Variants in TRIM33 observed in about 807,000 individuals in gnomAD.
TRIM33 encodes the protein tripartite motif containing 33, also known as E3 ubiquitin-protein ligase TRIM33.
A neutral mutation model predicts 125.4 loss-of-function variants in TRIM33; 20 were observed. That is an observed-to-expected ratio of 0.16 (90% confidence interval 0.11 to 0.23). The LOEUF (loss-of-function observed/expected upper bound fraction) is 0.23, where lower values mean the gene tolerates loss of function less well. Among genes scored for constraint, TRIM33 ranks in the 10% least tolerant of loss-of-function variants. TRIM33 has a pLI of 1.00. For synonymous variants in TRIM33, 564 were observed against 513.9 expected, an observed-to-expected ratio of 1.10 and a Z score of -1.32; for missense variants, 920 against 1,411.4, an observed-to-expected ratio of 0.65 and a Z score of 5.58.
At chr1:114,470,998 ATTG>A (rs1221459407) in intron 1 of TRIM33, among the ~76,000 whole-genome samples, 1 of 152,108 alleles carries the variant, frequency 6.6e-6, no homozygotes, top group Non-Finnish European at 1.5e-5. Flanking sequence ...AGGGTCTCAT[ATTG>A]TTGTCCAGGC....
intron 4 of TRIM33, among the ~76,000 whole-genome samples, chr1:114,434,730 AAT>A (rs1442359073): frequency 6.6e-6 from 1 of 152,230 alleles, no homozygotes; most frequent in African/African-American, 2.4e-5. Context: ...ACTACTAACA[AAT>A]AGTCACAAAT....
At chr1:114,431,897 T>C (rs1373114315) in intron 5 of TRIM33, among the ~76,000 whole-genome samples, 1 of 152,170 alleles carries the variant, frequency 6.6e-6, no homozygotes, top group African/African-American at 2.4e-5. Flanking sequence ...GTTTCAAATA[T>C]AAAATGATTG....
At chr1:114,399,326 T>C (rs1280405645) in intron 18 of TRIM33, 131 bp downstream of exon 18, 2 of 719,004 alleles carry the variant, frequency 2.8e-6, no homozygotes, top group East Asian at 5.7e-5. Context: ...GTTAATACAA[T>C]CAGATGTTAC....
chr1:114,461,169 C>T (rs554713926), intron 4 of TRIM33, among the ~76,000 whole-genome samples: 2 of 148,900 alleles, frequency 1.3e-5, no homozygotes, highest in East Asian at 3.9e-4. Flanking sequence ...TATGATCATG[C>T]CACTGCATTC....
chr1:114,406,925 T>G lies in TRIM33; in HGVS notation c.2418+16A>C, dbSNP rs775747305. The G allele has an allele frequency of 1.9e-6, 3 of 1,611,954 alleles. No homozygotes were observed. The highest frequency in any genetic ancestry group is 1.7e-6 in the Non-Finnish European group (2 of 1,178,764). On this transcript the variant is annotated intron_variant, in intron 14 of 19. Coordinates refer to ENST00000358465, the MANE Select transcript of TRIM33 (RefSeq NM_015906.4). ...TGATGTCCTTAAGTCCCTGTCAGACTCCAGTGGGAGCTTACCATGCAAGCA... is the reference window on the plus strand; with the variant it reads ...TGATGTCCTTAAGTCCCTGTCAGACGCCAGTGGGAGCTTACCATGCAAGCA...
chr1:114,395,063 CAT>C lies in TRIM33; in HGVS notation c.*2583_*2584del, dbSNP rs947185118. 1 of 191,648 alleles carries C rather than the reference CAT, an allele frequency of 5.2e-6. No individual in the cohort carries two copies. Among genetic ancestry groups the C allele is most frequent in the Non-Finnish European group, 1.1e-5 (1 of 91,706 alleles). The allele number at this position is 191,648 out of a possible 1,614,324, so 11.9% of individuals were successfully genotyped here. A position where few individuals can be genotyped will look rare whatever the true frequency, so the allele number is the denominator to read the frequency against. On this transcript the variant is annotated 3_prime_UTR_variant, in exon 20 of 20. Transcript: ENST00000358465. ...TTTAAAACATAAACTAATAGGAAAACATATATCTAAATATCAATTTAAGTTTT... is the reference window on the plus strand; with the variant it reads ...TTTAAAACATAAACTAATAGGAAAACATATCTAAATATCAATTTAAGTTTT...
intron 8 of TRIM33, among the ~76,000 whole-genome samples, chr1:114,425,955 ATTC>A (rs1210801120): frequency 5.3e-5 from 8 of 152,196 alleles, no homozygotes; most frequent in African/African-American, 1.7e-4. Flanking sequence ...CTCTGTCCTT[ATTC>A]TTTTTTACTT....
At chr1:114,444,236 T>C (rs1252051838) in intron 4 of TRIM33, among the ~76,000 whole-genome samples, 2 of 151,992 alleles carry the variant, frequency 1.3e-5, no homozygotes, top group African/African-American at 4.8e-5. Flanking sequence ...AGAGGGTAGA[T>C]AGAGGGAAGA....
At chr1:114,478,876 GC>G (rs1557889948) in intron 1 of TRIM33, among the ~76,000 whole-genome samples, 1 of 151,980 alleles carries the variant, frequency 6.6e-6, no homozygotes, top group Non-Finnish European at 1.5e-5. Flanking sequence ...GTGAAACTCT[GC>G]CTCTACTAAA....
chr1:114,480,254 C>A (rs1292154357), intron 1 of TRIM33, among the ~76,000 whole-genome samples: 2 of 152,016 alleles, frequency 1.3e-5, no homozygotes. Context: ...GCAAGATGTG[C>A]TTTGTTAAAC....
At position 114,397,479 on chromosome 1, in the gene TRIM33, T is replaced by C. The variant is rs1340706824; in HGVS notation, c.*169A>G. 1 of 562,654 alleles carries C rather than the reference T, an allele frequency of 1.8e-6. No homozygotes were observed. The highest frequency in any genetic ancestry group is 3.1e-6 in the Non-Finnish European group (1 of 321,736). 34.9% of individuals were successfully genotyped at this position (562,654 alleles called of 1,614,324 possible). On this transcript the variant is annotated 3_prime_UTR_variant, in exon 20 of 20. Transcript: ENST00000358465. Reference sequence around the variant, plus strand: ...CCCTTTCTTGACAAGAATGTGTTTCTGTCCATTATTTCAATCTAATACTGT... The same window carrying C: ...CCCTTTCTTGACAAGAATGTGTTTCCGTCCATTATTTCAATCTAATACTGT...
At chr1:114,495,390 A>C (rs1652312478) in intron 1 of TRIM33, among the ~76,000 whole-genome samples, 1 of 152,208 alleles carries the variant, frequency 6.6e-6, no homozygotes, top group Non-Finnish European at 1.5e-5. Context: ...CATTTGTTTA[A>C]AAAAGAAACA....
At chr1:114,447,207 C>G (rs1006597398) in intron 4 of TRIM33, among the ~76,000 whole-genome samples, 3 of 152,116 alleles carry the variant, frequency 2.0e-5, no homozygotes, top group Admixed American at 2.0e-4. Context: ...ATAGAGACTA[C>G]TGCAGTAATC....
At chr1:114,483,317 A>AT (rs1651468102) in intron 1 of TRIM33, among the ~76,000 whole-genome samples, 2 of 151,932 alleles carry the variant, frequency 1.3e-5, no homozygotes, top group Middle Eastern at 6.8e-3. Flanking sequence ...GAAAAAAAAA[A>AT]TTTTTACCAA....
At chr1:114,502,348 C>T (rs1652767642) in intron 1 of TRIM33, among the ~76,000 whole-genome samples, 1 of 152,116 alleles carries the variant, frequency 6.6e-6, no homozygotes, top group African/African-American at 2.4e-5. Flanking sequence ...ACCTCTCTTA[C>T]AGTCTTAGTT....
chr1:114,425,395 G>A (rs1430707675), intron 9 of TRIM33, 54 bp downstream of exon 9: 3 of 1,580,450 alleles, frequency 1.9e-6, no homozygotes, highest in African/African-American at 1.4e-5. Context: ...AGGAAAAAGT[G>A]TAGTGTTGAG....
intron 9 of TRIM33, among the ~76,000 whole-genome samples, chr1:114,425,116 G>A (rs1159234969): frequency 6.6e-6 from 1 of 152,122 alleles, no homozygotes; most frequent in Non-Finnish European, 1.5e-5. Context: ...AATGCCTAAG[G>A]AACATATCAG....
intron 4 of TRIM33, among the ~76,000 whole-genome samples, chr1:114,453,120 T>C (rs2101320133): frequency 6.6e-6 from 1 of 152,146 alleles, no homozygotes; most frequent in South Asian, 2.1e-4. Flanking sequence ...TCGCAGCACT[T>C]TGGGAAGCCG....
At chr1:114,405,790 A>T (rs1380144835) in intron 14 of TRIM33, 31 bp from the exon 15 acceptor site, 1 of 1,545,144 alleles carries the variant, frequency 6.5e-7, no homozygotes, top group African/African-American at 1.4e-5. Context: ...ATTCTTGAAG[A>T]ATCATTTAAT....
Sources: gnomAD v4.1 joint callset for allele counts (sites outside exome capture counted in the v4.1 genomes callset) on GRCh38, gnomAD v4.1.1 for gene constraint, MANE v1.5 for transcripts, NCBI Gene and HGNC (gene_info 2026-07-23, HGNC 2026-07-21) for gene names.